The following SYCP1 variants were observed in gnomAD, a reference collection of about 807,000 sequenced individuals.
SYCP1 encodes the protein synaptonemal complex protein 1.
Under a neutral mutation model 153.1 loss-of-function variants are expected in SYCP1, and 64 were observed. The ratio of observed to expected loss-of-function variants is 0.42; its 90% CI spans 0.34 to 0.51. The LOEUF (loss-of-function observed/expected upper bound fraction) is 0.51. SYCP1 is among the 20% of genes least tolerant of loss of function. The pLI is 0.06. For synonymous variants in SYCP1, 384 were observed against 341.8 expected, an observed-to-expected ratio of 1.12 and a Z score of -1.36; for missense variants, 997 against 1,049.0, an observed-to-expected ratio of 0.95 and a Z score of 0.68.
chr1:114,962,640 G>A (rs1302617290), intron 27 of SYCP1, among the ~76,000 whole-genome samples: 1 of 152,154 alleles, frequency 6.6e-6, no homozygotes, highest in Non-Finnish European at 1.5e-5. Context: ...TATCTTTTAA[G>A]TGGAGCATTT....
rs1306125610 is a variant in SYCP1 at position 114,935,543 on chromosome 1, A to G, written c.1927-8796A>G. On this transcript the variant is annotated intron_variant, in intron 23 of 31. Coordinates refer to ENST00000369522, the MANE Select transcript of SYCP1 (RefSeq NM_003176.4). ...CATTCAAAAGCTAGCAGAAGGCAAG[A>G]AATAACTAAGATCAGAGCAGAACTG... 3.3e-5 allele frequency among the ~76,000 whole-genome samples: 5 copies of G among 152,324 alleles called. 1 individual carries two copies. The East Asian group carries it at 9.7e-4, about 29-fold the overall frequency.
In SYCP1 at chr1:114,910,459, A is replaced by G; in HGVS notation, c.1383A>G (p.Lys461=). The part of the protein sequence containing the change: ...KQFEKIAEEL[K]GTEQELIGLL... ...TTGAGAAGATTGCTGAAGAATTAAA[A>G]GGAACAGAACAAGAACTAATTGGTC... Residue 461 remains lysine (K), a synonymous_variant, in exon 17 of 32, where the codon AAA becomes AAG. Transcript: ENST00000369522. 6.2e-7 allele frequency: 1 copy of G among 1,604,570 alleles called. No individual in the cohort carries two copies. The highest frequency in any genetic ancestry group is 2.3e-5 in the East Asian group (1 of 44,198).
At chr1:114,904,298 A>G (rs562198639) in intron 16 of SYCP1, among the ~76,000 whole-genome samples, 2 of 151,938 alleles carry the variant, frequency 1.3e-5, no homozygotes, top group South Asian at 2.1e-4. Context: ...TTGTATTTTT[A>G]GTAGAGATGG....
In SYCP1 at chr1:114,878,102, A is replaced by G. The variant is rs1472804503; in HGVS notation, c.810A>G (p.Leu270=). 1 of 1,544,342 alleles carries G rather than the reference A, an allele frequency of 6.5e-7. No individual in the cohort carries two copies. The highest frequency in any genetic ancestry group is 1.9e-5 in the Admixed American group (1 of 53,926). The change falls in exon 12 of 32, where the codon CTA becomes CTG. Residue 270 remains leucine, a synonymous_variant. Transcript: ENST00000369522. ...EINDKEKQVS[L]LLIQITEKEN... is the part of the protein sequence containing the mutation. ...TTATTTAAATATTTTAGGTATCACT[A>G]CTATTGATCCAAATCACTGAGAAAG...
chr1:114,985,599 CT>C (rs976919406), intron 30 of SYCP1, among the ~76,000 whole-genome samples: 1 of 151,830 alleles, frequency 6.6e-6, no homozygotes, highest in African/African-American at 2.4e-5. Context: ...CTAGAAGATC[CT>C]TCAAGCTTTT....
At chr1:114,922,117 T>C (rs1337557173) in intron 20 of SYCP1, among the ~76,000 whole-genome samples, 1 of 152,148 alleles carries the variant, frequency 6.6e-6, no homozygotes, top group Non-Finnish European at 1.5e-5. Flanking sequence ...CCTTCTTTGG[T>C]TTAAATATAG....
At chr1:114,935,211 C>T (rs1478461651) in intron 23 of SYCP1, among the ~76,000 whole-genome samples, 3 of 152,218 alleles carry the variant, frequency 2.0e-5, no homozygotes, top group Non-Finnish European at 2.9e-5. Context: ...AATTGTCTCT[C>T]AGACCACAGT....
At position 114,881,683 on chromosome 1, in the gene SYCP1, G is replaced by A. The variant is rs184136368; in HGVS notation, c.910+3481G>A. Among the ~76,000 whole-genome samples the A allele has an allele frequency of 7.2e-5, 11 of 152,110 alleles. 1 individual carries two copies. In the Middle Eastern group the frequency reaches 0.01, roughly 141 times the overall value. Reference sequence around the variant, plus strand: ...CACCTGGCTAATTTTAACATTTTTTGTAGAGACAGGGTTTCACTGTGTTGC... The same window carrying A: ...CACCTGGCTAATTTTAACATTTTTTATAGAGACAGGGTTTCACTGTGTTGC... On this transcript the variant is annotated intron_variant, in intron 12 of 31. Coordinates refer to ENST00000369522, the MANE Select transcript of SYCP1 (RefSeq NM_003176.4).
At chr1:114,961,667 G>A (rs544329984) in intron 27 of SYCP1, among the ~76,000 whole-genome samples, 14 of 152,292 alleles carry the variant, frequency 9.2e-5, no homozygotes, top group Non-Finnish European at 1.9e-4. Flanking sequence ...TCCTTTTGGA[G>A]TTGATTTCCA....
chr1:114,909,779 T>C (rs1668061551), intron 16 of SYCP1, among the ~76,000 whole-genome samples: 1 of 152,172 alleles, frequency 6.6e-6, no homozygotes, highest in South Asian at 2.1e-4. Context: ...ACCATGGTTA[T>C]TGTTATCAAT....
At chr1:114,923,625 G>T (rs1430716136) in intron 21 of SYCP1, 95 bp downstream of exon 21, 5 of 1,240,654 alleles carry the variant, frequency 4.0e-6, no homozygotes, top group African/African-American at 1.6e-5. Context: ...GTATACTGTT[G>T]TATAAATAAT....
At chr1:114,976,301 A>T (rs1672789246) in intron 27 of SYCP1, among the ~76,000 whole-genome samples, 1 of 151,930 alleles carries the variant, frequency 6.6e-6, no homozygotes, top group African/African-American at 2.4e-5. Flanking sequence ...CTGGTGATCA[A>T]GTCAACTCTC....
chr1:114,950,188 T>C (rs1171081719), intron 27 of SYCP1, among the ~76,000 whole-genome samples: 1 of 152,204 alleles, frequency 6.6e-6, no homozygotes, highest in Non-Finnish European at 1.5e-5. Context: ...CACCACATCG[T>C]CTTCCCAGCC....
chr1:114,899,002 T>G (rs1354258939), intron 16 of SYCP1, among the ~76,000 whole-genome samples: 1 of 152,158 alleles, frequency 6.6e-6, no homozygotes, highest in Non-Finnish European at 1.5e-5. Flanking sequence ...CAGACAACGG[T>G]GTGAGGCCAG....
intron 8 of SYCP1, among the ~76,000 whole-genome samples, chr1:114,871,711 T>TACAG (rs201444256): frequency 0.061 from 9,249 of 152,144 alleles, 317 homozygotes; most frequent in Middle Eastern, 0.14. Context: ...TAGCTGGTAT[T>TACAG]ACAGGCGTGT....
chr1:114,889,385 G>T (rs1666539727), intron 15 of SYCP1, among the ~76,000 whole-genome samples: 1 of 152,050 alleles, frequency 6.6e-6, no homozygotes, highest in South Asian at 2.1e-4. Flanking sequence ...ACTTTTTAAT[G>T]ATCGCCATTC....
chr1:114,884,979 A>G (rs1666197241), intron 12 of SYCP1, among the ~76,000 whole-genome samples: 1 of 152,166 alleles, frequency 6.6e-6, no homozygotes, highest in South Asian at 2.1e-4. Flanking sequence ...TGGAGTCAAA[A>G]GCTTTTATTT....
chr1:114,946,031 G>T (rs1670682461), intron 25 of SYCP1, among the ~76,000 whole-genome samples: 1 of 151,920 alleles, frequency 6.6e-6, no homozygotes, highest in African/African-American at 2.4e-5. Flanking sequence ...AAAGATAAAA[G>T]AATTATCTTT....
At chr1:114,944,851 T>A in intron 24 of SYCP1, 21 bp from the exon 25 acceptor site, 2 of 1,517,092 alleles carry the variant, frequency 1.3e-6, no homozygotes, top group Non-Finnish European at 1.8e-6. Flanking sequence ...AAGAAACTTT[T>A]TTTTTTTGCT....
Sources: gnomAD v4.1 joint callset for allele counts (sites outside exome capture counted in the v4.1 genomes callset) on GRCh38, gnomAD v4.1.1 for gene constraint, MANE v1.5 for transcripts, NCBI Gene and HGNC (gene_info 2026-07-23, HGNC 2026-07-21) for gene names.